Variants in PARD3B observed in about 807,000 individuals in gnomAD.
PARD3B encodes partitioning defective 3 homolog B.
Under a neutral mutation model 130.2 loss-of-function variants are expected in PARD3B, and 103 were observed. That is an observed-to-expected ratio of 0.79 (90% CI 0.67 to 0.93). The LOEUF is 0.93. PARD3B is among the 40% of genes least tolerant of loss of function. The pLI is 0.00. For synonymous variants in PARD3B, 583 were observed against 553.2 expected (o/e 1.05, Z -0.76); for missense variants, 1,609 against 1,499.2 (o/e 1.07, Z -1.21).
intron 2 of PARD3B, among the ~76,000 whole-genome samples, chr2:204,941,155 T>C (rs1017689363): frequency 2.0e-5 from 3 of 152,206 alleles, no homozygotes; most frequent in Admixed American, 1.3e-4. Flanking sequence ...TTGCTAACCA[T>C]AGATTAAATC....
intron 2 of PARD3B, among the ~76,000 whole-genome samples, chr2:204,826,607 A>G (rs1463534346): frequency 1.3e-5 from 2 of 152,200 alleles, no homozygotes; most frequent in Non-Finnish European, 2.9e-5. Flanking sequence ...TTGCTGATTG[A>G]TAGATAGTAT....
intron 4 of PARD3B, among the ~76,000 whole-genome samples, chr2:205,085,530 C>T (rs1437545080): frequency 2.0e-5 from 3 of 151,802 alleles, no homozygotes; most frequent in Non-Finnish European, 4.4e-5. Flanking sequence ...CATTATAAAG[C>T]ATTCTTTCAT....
intron 3 of PARD3B, among the ~76,000 whole-genome samples, chr2:205,012,527 T>C (rs1388816405): frequency 6.6e-6 from 1 of 152,174 alleles, no homozygotes; most frequent in Non-Finnish European, 1.5e-5. Flanking sequence ...AGAATGTAGA[T>C]TTATAAGAAA....
chr2:204,568,043 T>C (rs996582839), intron 1 of PARD3B, among the ~76,000 whole-genome samples: 27 of 152,212 alleles, frequency 1.8e-4, no homozygotes, highest in Admixed American at 1.4e-3. Flanking sequence ...TGAAAAGATT[T>C]AAAATACTAT....
At chr2:205,184,733 C>G (rs2035993974) in intron 13 of PARD3B, among the ~76,000 whole-genome samples, 1 of 151,790 alleles carries the variant, frequency 6.6e-6, no homozygotes, top group South Asian at 2.1e-4. Context: ...CAGAGCGAGA[C>G]TCCATCTCAA....
At chr2:205,004,919 C>G (rs1278123123) in intron 3 of PARD3B, among the ~76,000 whole-genome samples, 1 of 152,176 alleles carries the variant, frequency 6.6e-6, no homozygotes, top group African/African-American at 2.4e-5. Context: ...CCTCCTCTCT[C>G]ATACTCTGTT....
At chr2:205,594,996 A>T (rs1323433484) in intron 22 of PARD3B, among the ~76,000 whole-genome samples, 2 of 152,248 alleles carry the variant, frequency 1.3e-5, no homozygotes, top group African/African-American at 4.8e-5. Flanking sequence ...GGGCCTCAGT[A>T]TGATTGGTCC....
intron 2 of PARD3B, among the ~76,000 whole-genome samples, chr2:204,760,923 T>C (rs1335357000): frequency 6.6e-6 from 1 of 152,222 alleles, no homozygotes; most frequent in Non-Finnish European, 1.5e-5. Flanking sequence ...TCTTTTTACC[T>C]GTTGCAGAAG....
intron 22 of PARD3B, among the ~76,000 whole-genome samples, chr2:205,595,490 A>C (rs187028137): frequency 1.3e-5 from 2 of 152,198 alleles, no homozygotes; most frequent in African/African-American, 4.8e-5. Context: ...CTTTTCTATG[A>C]TAAGCTTTTA....
chr2:204,870,079 A>G (rs541950915), intron 2 of PARD3B, among the ~76,000 whole-genome samples: 1 of 152,160 alleles, frequency 6.6e-6, no homozygotes, highest in South Asian at 2.1e-4. Flanking sequence ...TGAAACAGGT[A>G]TTTGTTTTCT....
chr2:204,847,209 T>G (rs1159741185), intron 2 of PARD3B, among the ~76,000 whole-genome samples: 1 of 150,506 alleles, frequency 6.6e-6, no homozygotes, highest in East Asian at 1.9e-4. Context: ...ATGTTTTAAC[T>G]ACGTTGATAG....
intron 2 of PARD3B, among the ~76,000 whole-genome samples, chr2:204,833,927 C>T (rs181430401): frequency 6.6e-6 from 1 of 152,204 alleles, no homozygotes; most frequent in East Asian, 1.9e-4. Context: ...CAAATTCATC[C>T]CTGCCATTCT....
At chr2:204,638,356 T>C (rs1047164570) in intron 1 of PARD3B, among the ~76,000 whole-genome samples, 1 of 152,226 alleles carries the variant, frequency 6.6e-6, no homozygotes, top group Non-Finnish European at 1.5e-5. Flanking sequence ...TTCTACTTTA[T>C]GTAACAGTTA....
intron 19 of PARD3B, among the ~76,000 whole-genome samples, chr2:205,413,529 C>T (rs1422305800): frequency 6.6e-6 from 1 of 152,086 alleles, no homozygotes; most frequent in Non-Finnish European, 1.5e-5. Flanking sequence ...ATAATTGCTG[C>T]AATGGAACTA....
chr2:205,347,303 T>C (rs2043829840), intron 18 of PARD3B, among the ~76,000 whole-genome samples: 1 of 152,150 alleles, frequency 6.6e-6, no homozygotes, highest in Non-Finnish European at 1.5e-5. Flanking sequence ...ATGGTGGTTG[T>C]CTTCTTTAAA....
intron 15 of PARD3B, among the ~76,000 whole-genome samples, chr2:205,206,476 C>T (rs6743791): frequency 0.73 from 109,541 of 149,632 alleles, 40,810 homozygotes; most frequent in African/African-American, 0.88. Context: ...GTTTGGTTTT[C>T]TGTTCTTGCG....
intron 4 of PARD3B, among the ~76,000 whole-genome samples, chr2:205,096,593 C>A (rs1245259325): frequency 6.6e-6 from 1 of 152,118 alleles, no homozygotes; most frequent in Non-Finnish European, 1.5e-5. Flanking sequence ...TTACAAAGTT[C>A]AGAACTGTTT....
intron 1 of PARD3B, among the ~76,000 whole-genome samples, chr2:204,642,975 G>T (rs570210130): frequency 1.7e-4 from 26 of 151,278 alleles, no homozygotes; most frequent in African/African-American, 2.7e-4. Flanking sequence ...TTAGCCAGGC[G>T]TGGTGGCAGG....
intron 16 of PARD3B, among the ~76,000 whole-genome samples, chr2:205,298,035 A>G (rs1415246316): frequency 6.6e-6 from 1 of 152,176 alleles, no homozygotes; most frequent in Non-Finnish European, 1.5e-5. Flanking sequence ...CCTTTTAGAT[A>G]ACGTGCCTTC....
Sources: gnomAD v4.1 joint callset for allele counts (sites outside exome capture counted in the v4.1 genomes callset) on GRCh38, gnomAD v4.1.1 for gene constraint, MANE v1.5 for transcripts, NCBI Gene and HGNC (gene_info 2026-07-23, HGNC 2026-07-21) for gene names.